Variants in SPG7 observed in about 807,000 individuals in gnomAD.
SPG7 encodes mitochondrial inner membrane m-AAA protease component paraplegin.
Under a neutral mutation model 81.9 loss-of-function variants are expected in SPG7, and 103 were observed. The observed-to-expected ratio is 1.26, with a 90% CI of 1.07 to 1.48. The LOEUF (loss-of-function observed/expected upper bound fraction) is 1.48, where lower values mean the gene tolerates loss of function less well. Among genes scored for constraint, SPG7 ranks in the 40% most tolerant of loss-of-function variants. SPG7 has a pLI of 0.00. For missense variants in SPG7, 1,241 were observed against 1,087.3 expected (o/e 1.14, Z -1.99); for synonymous variants, 534 against 444.2 (o/e 1.20, Z -2.54).
chr16:89,545,617 G>C (rs2058553760), intron 10 of SPG7: 3 of 247,988 alleles, frequency 1.2e-5, no homozygotes, highest in South Asian at 1.1e-4. Flanking sequence ...TTCTCCAGGG[G>C]ACACTGTTTC....
chr16:89,541,480 T>A, intron 9 of SPG7: 1 of 313,248 alleles, frequency 3.2e-6, no homozygotes, highest in Non-Finnish European at 4.6e-6. Flanking sequence ...GGGATGCCTC[T>A]GGGGAGGGCG....
At chr16:89,524,288 C>A (rs771940655) in intron 4 of SPG7, 41 bp downstream of exon 4, 1 of 1,583,350 alleles carries the variant, frequency 6.3e-7, no homozygotes, top group Non-Finnish European at 8.6e-7. Flanking sequence ...AGGGTGTGGG[C>A]ACAGGCTGGC....
chr16:89,548,272 T>A, intron 12 of SPG7, 159 bp downstream of exon 12: 1 of 614,672 alleles, frequency 1.6e-6, no homozygotes, highest in Non-Finnish European at 2.9e-6. Flanking sequence ...TATGATACCT[T>A]GTACTTTTCC....
rs573836570 is a variant in SPG7, at chr16:89,526,558, T to C, written c.758+90T>C. The C allele has an allele frequency of 1.5e-4, 220 of 1,470,010 alleles. No individual in the cohort carries two copies. The African/African-American group carries it at 2.9e-3, about 19-fold the overall frequency. 91.1% of individuals were successfully genotyped at this position (1,470,010 alleles called of 1,614,324 possible). ...GATTGCAATCAAAAATCTCAAACTG[T>C]CTTTGCCTATAGTTAACTAGACTTT... On this transcript the variant is annotated intron_variant, in intron 5 of 16. Transcript: ENST00000645818.
chr16:89,544,531 C>T, intron 9 of SPG7, 117 bp from the exon 10 acceptor site: 3 of 1,232,762 alleles, frequency 2.4e-6, no homozygotes, highest in East Asian at 2.4e-5. Context: ...CTGTTCCTTT[C>T]TCTCTGGGCC....
chr16:89,544,168 G>A, intron 9 of SPG7: 1 of 257,786 alleles, frequency 3.9e-6, no homozygotes, highest in Non-Finnish European at 7.7e-6. Context: ...GATCGTTTCT[G>A]GACTCACTTT....
chr16:89,518,960 T>A (rs1179765399), intron 3 of SPG7: 1 of 152,098 alleles, frequency 6.6e-6, no homozygotes, highest in African/African-American at 2.4e-5. Flanking sequence ...GGGGACAAGG[T>A]ATTGCTCTGC....
rs775887306 is a variant in SPG7, at chr16:89,532,705, G to A, written c.1324+69G>A. ...AGGTTTTCCGATGTCTTTCAGAACA[G>A]GTTGTGGTGAGCCAAGATCGTGTCA... On this transcript the variant is annotated intron_variant, in intron 9 of 16. Coordinates refer to ENST00000645818, the MANE Select transcript of SPG7 (RefSeq NM_003119.4). 373 of 1,591,024 alleles carry A rather than the reference G, an allele frequency of 2.3e-4. No homozygotes were observed. The highest frequency in any genetic ancestry group is 2.6e-4 in the Non-Finnish European group (298 of 1,165,538).
chr16:89,552,039 T>C (rs1276999711), intron 13 of SPG7: 1 of 152,238 alleles, frequency 6.6e-6, no homozygotes, highest in Non-Finnish European at 1.5e-5. Flanking sequence ...AATGCAATCA[T>C]CACTGCAGCC....
Position 89,508,479 on chromosome 16 carries a change from C to T in SPG7, c.62C>T (p.Pro21Leu), listed in dbSNP as rs1255749117. ...LRRGPGPGPR[P>L]LWGPGPAWSP... ...CGGGGTCCAGGCCCGGGTCCTCGGC[C>T]GCTGTGGGGCCCAGGCCCGGCCTGG... Residue 21 changes from proline to leucine, a missense_variant, in exon 1 of 17, where the codon CCG (proline) becomes CTG (leucine). By Grantham distance (98) the Pro-to-Leu change is moderately conservative. Coordinates refer to ENST00000645818, the MANE Select transcript of SPG7 (RefSeq NM_003119.4). The T allele has an allele frequency of 3.3e-6, 5 of 1,509,190 alleles. No individual in the cohort carries two copies. The highest frequency in any genetic ancestry group is 2.5e-5 in the South Asian group (2 of 81,400). The allele number at this position is 1,509,190 out of a possible 1,614,324, so 93.5% of individuals were successfully genotyped here.
chr16:89,532,917 C>G (rs1351652433), intron 9 of SPG7: 1 of 450,508 alleles, frequency 2.2e-6, no homozygotes, highest in Non-Finnish European at 4.1e-6. Context: ...AACCCCATCT[C>G]TACAAAAATA....
At chr16:89,528,576 G>A (rs896570471) in intron 5 of SPG7, 2 of 151,780 alleles carry the variant, frequency 1.3e-5, no homozygotes, top group African/African-American at 2.4e-5. Context: ...CCCCTCCTCA[G>A]GATGAGGGCA....
In SPG7 at chr16:89,532,005, C is replaced by T. The variant is rs1327333275; in HGVS notation, c.1089C>T (p.Ala363=). ...CGKTLLAKAV[A]TEAQVPFLAM... ...AGACGCTGCTGGCCAAGGCGGTGGC[C>T]ACGGAGGCTCAGGTGCCCTTCCTGG... is the stretch of plus-strand genomic sequence containing the variant. Residue 363 remains alanine (A), a synonymous_variant, in exon 8 of 17, where the codon GCC becomes GCT. Transcript: ENST00000645818. 1 of 1,613,864 alleles carries T rather than the reference C, an allele frequency of 6.2e-7. No homozygotes were observed. Among genetic ancestry groups the T allele is most frequent in the Non-Finnish European group, 8.5e-7 (1 of 1,179,978 alleles).
chr16:89,546,654 G>T lies in SPG7; in HGVS notation c.1450-4G>T. 6.2e-7 allele frequency: 1 copy of T among 1,605,410 alleles called. No homozygotes were observed. The highest frequency in any genetic ancestry group is 8.5e-7 in the Non-Finnish European group (1 of 1,172,240). ...GACTGTCTTTCCTCCCCTGGTTCTG[G>T]CAGGAGAGGCGGGAGATTTTTGAGC... On this transcript the variant is annotated splice_polypyrimidine_tract_variant and splice_region_variant and intron_variant, in intron 10 of 16. Coordinates refer to ENST00000645818, the MANE Select transcript of SPG7 (RefSeq NM_003119.4).
chr16:89,530,619 C>T, intron 6 of SPG7, 64 bp from the exon 7 acceptor site: 14 of 1,609,468 alleles, frequency 8.7e-6, no homozygotes, highest in Non-Finnish European at 1.2e-5. Context: ...GGGCTGAGCG[C>T]TGGCATCGTG....
At chr16:89,508,796 G>T (rs2057969218) in intron 1 of SPG7, 196 bp downstream of exon 1, 1 of 716,824 alleles carries the variant, frequency 1.4e-6, no homozygotes, top group African/African-American at 1.7e-5. Flanking sequence ...GGGCGGGCCG[G>T]GAAGAGGCAG....
chr16:89,553,134 T>C lies in SPG7; in HGVS notation c.1935T>C (p.Ser645=). The C allele has an allele frequency of 7.5e-6, 12 of 1,606,092 alleles. No individual in the cohort carries two copies. The highest frequency in any genetic ancestry group is 1.0e-5 in the Non-Finnish European group (12 of 1,176,392). The change falls in exon 14 of 17, where the codon TCT becomes TCC. Residue 645 remains serine (S), a splice_region_variant and synonymous_variant. Coordinates refer to ENST00000645818, the MANE Select transcript of SPG7 (RefSeq NM_003119.4). ...CACTGTCCTTCAACGAGGTCACTTCTGGTGAGGAGCAGCGGCGCGGGCCCT... is the reference window on the plus strand; with the variant it reads ...CACTGTCCTTCAACGAGGTCACTTCCGGTGAGGAGCAGCGGCGCGGGCCCT... ...SEALSFNEVT[S]GAQDDLRKVT...
chr16:89,547,962 A>T (rs765922885), intron 11 of SPG7, 41 bp from the exon 12 acceptor site: 1 of 1,506,402 alleles, frequency 6.6e-7, no homozygotes, highest in Non-Finnish European at 9.2e-7. Context: ...CCCTGATAGC[A>T]GAAACCCACC....
chr16:89,532,332 T>C, intron 8 of SPG7, 131 bp from the exon 9 acceptor site: 2 of 1,175,936 alleles, frequency 1.7e-6, no homozygotes, highest in South Asian at 1.3e-5. Context: ...AGCTGCCGTG[T>C]GTCTGTTTGT....
Sources: gnomAD v4.1 joint callset for allele counts on GRCh38, gnomAD v4.1.1 for gene constraint, MANE v1.5 for transcripts, NCBI Gene and HGNC (gene_info 2026-07-23, HGNC 2026-07-21) for gene names.